Variants in DIAPH2 observed in about 807,000 individuals in gnomAD.
The protein encoded by DIAPH2 is diaphanous related formin 2.
A neutral mutation model predicts 92.7 loss-of-function variants in DIAPH2; 35 were observed. That is an observed-to-expected ratio of 0.38 (90% CI 0.29 to 0.50). The LOEUF is 0.50. Among genes scored for constraint, DIAPH2 ranks in the 20% least tolerant of loss-of-function variants. The pLI is 0.94. For missense variants in DIAPH2, 701 were observed against 819.5 expected (o/e 0.86, Z 1.77); for synonymous variants, 301 against 280.4 (o/e 1.07, Z -0.73).
rs751971581 is a variant in DIAPH2, at chrX:96,869,200, C to T, written c.448-12379C>T. ...TCCCCAGGAGCCTTCCTTTTTTGCACATTCCCTACTCACCCTCCAAGGCAA... is the reference window on the plus strand; with the variant it reads ...TCCCCAGGAGCCTTCCTTTTTTGCATATTCCCTACTCACCCTCCAAGGCAA... On this transcript the variant is annotated intron_variant, in intron 4 of 26. Coordinates refer to ENST00000324765, the MANE Select transcript of DIAPH2 (RefSeq NM_006729.5). 1.1e-4 allele frequency among the ~76,000 whole-genome samples: 12 copies of T among 110,380 alleles called. No individual in the cohort carries two copies. In the South Asian group the frequency reaches 4.0e-3, roughly 37 times the overall value.
intron 4 of DIAPH2, among the ~76,000 whole-genome samples, chrX:96,869,001 C>T (rs745831875): frequency 4.5e-5 from 5 of 111,928 alleles, no homozygotes; most frequent in Non-Finnish European, 7.5e-5. Context: ...TATTCCAAAT[C>T]ATAGATTCAA....
At chrX:96,809,930 G>C (rs1310431555) in intron 4 of DIAPH2, among the ~76,000 whole-genome samples, 1 of 112,084 alleles carries the variant, frequency 8.9e-6, no homozygotes, top group Non-Finnish European at 1.9e-5. Context: ...ATGGACATTT[G>C]GGTTGGTTCC....
At chrX:97,280,578 A>T (rs1157012222) in intron 23 of DIAPH2, among the ~76,000 whole-genome samples, 1 of 111,725 alleles carries the variant, frequency 9.0e-6, no homozygotes, top group East Asian at 2.8e-4. Flanking sequence ...ATGGTAGTCA[A>T]TGAAAAAATG....
chrX:96,756,202 G>T (rs1337771432), intron 3 of DIAPH2, among the ~76,000 whole-genome samples: 1 of 110,471 alleles, frequency 9.1e-6, no homozygotes, highest in Admixed American at 9.6e-5. Flanking sequence ...CAAAGAGTGT[G>T]AAACTAGCAC....
At chrX:97,226,977 ACT>A (rs1053125723) in intron 22 of DIAPH2, among the ~76,000 whole-genome samples, 1 of 111,407 alleles carries the variant, frequency 9.0e-6, no homozygotes, top group African/African-American at 3.3e-5. Context: ...ACAGTAGGAA[ACT>A]CACAAAATTG....
chrX:97,569,917 T>G (rs2147873298), intron 26 of DIAPH2, among the ~76,000 whole-genome samples: 1 of 105,028 alleles, frequency 9.5e-6, no homozygotes, highest in Non-Finnish European at 2.0e-5. Flanking sequence ...GTAGACTATT[T>G]ATGACAAGTT....
At chrX:97,303,484 AAAG>A (rs1421442852) in intron 23 of DIAPH2, among the ~76,000 whole-genome samples, 1 of 112,027 alleles carries the variant, frequency 8.9e-6, no homozygotes, top group Non-Finnish European at 1.9e-5. Flanking sequence ...CTTTCTCAAG[AAAG>A]AAGGTTATGA....
intron 17 of DIAPH2, among the ~76,000 whole-genome samples, chrX:97,034,856 G>A (rs970897885): frequency 1.6e-4 from 18 of 111,056 alleles, no homozygotes; most frequent in Non-Finnish European, 3.0e-4. Flanking sequence ...TGGTCTCAGA[G>A]GTCCCCATTA....
chrX:97,169,890 C>T (rs1256848059), intron 22 of DIAPH2, among the ~76,000 whole-genome samples: 1 of 111,234 alleles, frequency 9.0e-6, no homozygotes, highest in Non-Finnish European at 1.9e-5. Context: ...ACAAAAGTAC[C>T]CAAAACAAAC....
intron 26 of DIAPH2, among the ~76,000 whole-genome samples, chrX:97,593,229 T>A (rs1031155627): frequency 9.0e-6 from 1 of 111,241 alleles, no homozygotes; most frequent in Non-Finnish European, 1.9e-5. Context: ...GCTGAAATAA[T>A]GAAATCAGGA....
At chrX:96,832,565 A>G (rs2147690829) in intron 4 of DIAPH2, among the ~76,000 whole-genome samples, 1 of 111,635 alleles carries the variant, frequency 9.0e-6, no homozygotes, top group African/African-American at 3.2e-5. Context: ...TCTAGTAACA[A>G]AGTTTCCTGG....
chrX:97,139,478 A>C (rs73250787), intron 21 of DIAPH2, among the ~76,000 whole-genome samples: 5,293 of 107,817 alleles, frequency 0.049, 113 homozygotes, highest in Non-Finnish European at 0.068. Context: ...CAAATATTGC[A>C]ATACATTAAG....
chrX:96,905,435 G>C (rs186880868), intron 5 of DIAPH2, among the ~76,000 whole-genome samples: 179 of 111,367 alleles, frequency 1.6e-3, no homozygotes, highest in South Asian at 3.1e-3. Context: ...AGGGAGCACA[G>C]TCTTATTCCC....
At chrX:97,493,403 A>G (rs1324296263) in intron 26 of DIAPH2, among the ~76,000 whole-genome samples, 1 of 110,707 alleles carries the variant, frequency 9.0e-6, no homozygotes, top group African/African-American at 3.3e-5. Flanking sequence ...CTGGGATTAC[A>G]GGCATGCGCC....
At chrX:97,290,957 G>A (rs1178665894) in intron 23 of DIAPH2, among the ~76,000 whole-genome samples, 1 of 109,254 alleles carries the variant, frequency 9.2e-6, no homozygotes, top group East Asian at 2.9e-4. Context: ...GGTGGCAGGT[G>A]CCTGTAATCC....
At chrX:97,359,899 C>T (rs1420250109) in intron 24 of DIAPH2, among the ~76,000 whole-genome samples, 9 of 111,450 alleles carry the variant, frequency 8.1e-5, no homozygotes, top group Non-Finnish European at 1.5e-4. Flanking sequence ...AATAATGAGG[C>T]AGCTACTATT....
chrX:97,022,726 A>G (rs2066306541), intron 17 of DIAPH2, among the ~76,000 whole-genome samples: 1 of 112,029 alleles, frequency 8.9e-6, no homozygotes, highest in African/African-American at 3.2e-5. Flanking sequence ...TATTCTCAAA[A>G]TTCATCTCAT....
chrX:97,249,964 G>T (rs996053337), intron 23 of DIAPH2, among the ~76,000 whole-genome samples: 8 of 110,733 alleles, frequency 7.2e-5, no homozygotes, highest in Admixed American at 4.8e-4. Flanking sequence ...AGGCATAGTG[G>T]TGCATGCCTG....
chrX:96,762,186 A>G (rs1488441604), intron 4 of DIAPH2, among the ~76,000 whole-genome samples: 2 of 111,530 alleles, frequency 1.8e-5, no homozygotes, highest in Non-Finnish European at 3.8e-5. Context: ...TGGGAATCTG[A>G]TAACAGTGAT....
Sources: allele counts gnomAD v4.1 joint callset (sites outside exome capture counted in the v4.1 genomes callset), GRCh38; gene constraint gnomAD v4.1.1; transcripts MANE v1.5; gene names NCBI Gene and HGNC (gene_info 2026-07-23, HGNC 2026-07-21).